The following FERMT3 variants were observed in gnomAD, a reference collection of about 807,000 sequenced individuals.
FERMT3 encodes the protein FERM domain containing kindlin 3.
In FERMT3, 33 loss-of-function variants were observed where a neutral mutation model predicts 80.8. That is an observed-to-expected ratio of 0.41 (90% CI 0.31 to 0.55). The LOEUF (loss-of-function observed/expected upper bound fraction) is 0.55. Among genes scored for constraint, FERMT3 ranks in the 20% least tolerant of loss-of-function variants. FERMT3 has a pLI of 0.31. For missense variants in FERMT3, 754 were observed against 908.7 expected (o/e 0.83, Z 2.19); for synonymous variants, 375 against 372.2 (o/e 1.01, Z -0.09).
chr11:64,214,345 TTATC>T (rs1946507095), intron 6 of FERMT3, among the ~76,000 whole-genome samples: 1 of 151,986 alleles, frequency 6.6e-6, no homozygotes, highest in Admixed American at 6.6e-5. Context: ...CTGTATTTAT[TTATC>T]TATTTTTGTT....
Position 64,211,313 on chromosome 11 carries a change from T to G in FERMT3, c.553T>G (p.Phe185Val). 1.9e-6 allele frequency: 3 copies of G among 1,613,370 alleles called. No homozygotes were observed. Among genetic ancestry groups the G allele is most frequent in the Non-Finnish European group, 2.5e-6 (3 of 1,179,828 alleles). ...ACTGTTCCGGGGGATGCCAGCTCAC[T>G]TCTCGGACAGCGCCCAGACTGAGGC... ...PALFRGMPAH[F>V]SDSAQTEACY... is the part of the protein sequence containing the mutation. Residue 185 changes from phenylalanine to valine, a missense_variant, in exon 5 of 15, where the codon TTC becomes GTC. Phe to Val is a conservative substitution (Grantham distance 50). Transcript: ENST00000345728. This position sits in a 1 kb window ranked among gnomAD's most constrained non-coding sequence, Gnocchi z 4.7.
chr11:64,215,234 C>T (rs541002842), intron 6 of FERMT3, among the ~76,000 whole-genome samples: 25 of 152,344 alleles, frequency 1.6e-4, no homozygotes, highest in Non-Finnish European at 2.5e-4. Context: ...CCTCCTCCCA[C>T]ACCCCGACCA....
chr11:64,223,566 A>C lies in FERMT3; in HGVS notation c.*74A>C. ...CCCAAGCCCACACCCACAGGGGCTC[A>C]CTGCCCCACACCCGCTCCAGGCAGG... On this transcript the variant is annotated 3_prime_UTR_variant, in exon 15 of 15. Transcript: ENST00000345728. The C allele has an allele frequency of 9.4e-6, 14 of 1,494,770 alleles. No individual in the cohort carries two copies. The highest frequency in any genetic ancestry group is 1.2e-5 in the Non-Finnish European group (13 of 1,105,056). The allele number at this position is 1,494,770 out of a possible 1,614,324, so 92.6% of individuals were successfully genotyped here.
Position 64,211,474 on chromosome 11 carries a change from G to C in FERMT3, c.683+31G>C, listed in dbSNP as rs1946436872. Reference sequence around the variant, plus strand: ...CCCAGGAGCCACGCCCCCTGTGTCAGGGCTCCCCCACCCAGGATCCACCCC... The same window carrying C: ...CCCAGGAGCCACGCCCCCTGTGTCACGGCTCCCCCACCCAGGATCCACCCC... On this transcript the variant is annotated intron_variant, in intron 5 of 14. Transcript: ENST00000345728. This position sits in a 1 kb window ranked among gnomAD's most constrained non-coding sequence, Gnocchi z 4.7. The C allele has an allele frequency of 5.8e-6, 9 of 1,557,276 alleles. No individual in the cohort carries two copies. Among genetic ancestry groups the C allele is most frequent in the Non-Finnish European group, 7.8e-6 (9 of 1,156,172 alleles).
chr11:64,209,248 T>TA (rs1426849930), intron 2 of FERMT3, among the ~76,000 whole-genome samples: 1 of 152,090 alleles, frequency 6.6e-6, no homozygotes, highest in Non-Finnish European at 1.5e-5. Flanking sequence ...TCATGGTGCT[T>TA]ACAGTCCCAG....
At chr11:64,222,765 C>T (rs1481892142) in intron 13 of FERMT3, among the ~76,000 whole-genome samples, 1 of 152,124 alleles carries the variant, frequency 6.6e-6, no homozygotes, top group Admixed American at 6.5e-5. Flanking sequence ...AGGGAGACAG[C>T]AGTTGATGAG....
rs1338004226 is a variant in FERMT3 at position 64,211,083 on chromosome 11, C to T, written c.426C>T (p.Leu142=). The part of the protein sequence containing the change: ...SIRHPEELSL[L]RAPEKKEKKK... ...GGCACCCCGAGGAGCTGTCCCTGCT[C>T]CGGGCTCCTGAGAAGAAGGAGAAGA... The change falls in exon 4 of 15, where the codon CTC becomes CTT. Residue 142 remains leucine, a synonymous_variant. Coordinates refer to ENST00000345728, the MANE Select transcript of FERMT3 (RefSeq NM_031471.6). The surrounding 1 kb of genome is among the most constrained non-coding windows in gnomAD (Gnocchi z 4.7). 2 of 1,586,882 alleles carry T rather than the reference C, an allele frequency of 1.3e-6. No homozygotes were observed. The highest frequency in any genetic ancestry group is 1.7e-6 in the Non-Finnish European group (2 of 1,166,402).
intron 6 of FERMT3, among the ~76,000 whole-genome samples, chr11:64,218,108 G>A (rs1482838196): frequency 1.4e-5 from 2 of 145,370 alleles, no homozygotes; most frequent in Non-Finnish European, 3.0e-5. Flanking sequence ...GGTTCACGCC[G>A]TTCTCCTGCC....
At chr11:64,218,594 C>T (rs1201223481) in intron 6 of FERMT3, among the ~76,000 whole-genome samples, 3 of 152,220 alleles carry the variant, frequency 2.0e-5, no homozygotes, top group Non-Finnish European at 4.4e-5. Context: ...CGCAAGCCAC[C>T]GCCCCGGCCT....
chr11:64,219,179 C>G lies in FERMT3; in HGVS notation c.787-72C>G. The stretch of plus-strand genomic sequence containing the variant: ...GGCAGAGGGCCAAGGCTGGCAGGGG[C>G]TCAGTGCAGGGCGTCCAGGGCAGCT... On this transcript the variant is annotated intron_variant, in intron 6 of 14. Coordinates refer to ENST00000345728, the MANE Select transcript of FERMT3 (RefSeq NM_031471.6). This position sits in a 1 kb window ranked among gnomAD's most constrained non-coding sequence, Gnocchi z 4.0. 1 of 1,424,566 alleles carries G rather than the reference C, an allele frequency of 7.0e-7. No individual in the cohort carries two copies. The highest frequency in any genetic ancestry group is 1.2e-5 in the South Asian group (1 of 81,476). The allele number at this position is 1,424,566 out of a possible 1,614,324, so 88.2% of individuals were successfully genotyped here.
rs1946336092 is a variant in FERMT3 at position 64,207,431 on chromosome 11, G to A, written c.67G>A (p.Gly23Arg). 5 of 1,614,184 alleles carry A rather than the reference G, an allele frequency of 3.1e-6. No homozygotes were observed. The highest frequency in any genetic ancestry group is 4.2e-6 in the Non-Finnish European group (5 of 1,180,024). ...DSSWELRVFV[G>R]EEDPEAESVT... is the part of the protein sequence containing the mutation. ...GTCATGGGAGCTGCGGGTGTTTGTG[G>A]GAGAGGAGGACCCAGAGGCCGAGTC... Residue 23 changes from glycine (G) to arginine (R), a missense_variant, in exon 2 of 15, where the codon GGA becomes AGA. Transcript: ENST00000345728.
chr11:64,210,476 G>T lies in FERMT3; in HGVS notation c.161-135G>T. The stretch of plus-strand genomic sequence containing the variant: ...TTACCATGGGGTAGACCCCAGGCCC[G>T]CCCAGGCTGCCCCACTCTTGGCTTA... On this transcript the variant is annotated intron_variant, in intron 2 of 14. Transcript: ENST00000345728. The surrounding 1 kb of genome is among the most constrained non-coding windows in gnomAD (Gnocchi z 4.3). The T allele has an allele frequency of 4.5e-6, 4 of 882,894 alleles. No homozygotes were observed. Among genetic ancestry groups the T allele is most frequent in the Non-Finnish European group, 7.3e-6 (4 of 549,022 alleles). 54.7% of individuals were successfully genotyped at this position (882,894 alleles called of 1,614,324 possible).
In FERMT3 at chr11:64,220,237, G is replaced by A. The variant is rs140907017; in HGVS notation, c.1222G>A (p.Asp408Asn). The A allele has an allele frequency of 6.8e-6, 11 of 1,613,792 alleles. No individual in the cohort carries two copies. The highest frequency in any genetic ancestry group is 1.3e-5 in the African/African-American group (1 of 74,932). ...CCCTCCAGGCTGTGAGGTGGTTCCCGATGTTAACGTCTCCGGCCAGAAGTT... is the reference window on the plus strand; with the variant it reads ...CCCTCCAGGCTGTGAGGTGGTTCCCAATGTTAACGTCTCCGGCCAGAAGTT... ...LNLKGCEVVP[D>N]VNVSGQKFCI... The change falls in exon 11 of 15, where the codon GAT becomes AAT. Residue 408 changes from aspartate to asparagine, a missense_variant. Coordinates refer to ENST00000345728, the MANE Select transcript of FERMT3 (RefSeq NM_031471.6).
At position 64,219,192 on chromosome 11, in the gene FERMT3, G is replaced by A. The variant is rs767445101; in HGVS notation, c.787-59G>A. The A allele has an allele frequency of 4.7e-5, 71 of 1,497,588 alleles. No individual in the cohort carries two copies. Among genetic ancestry groups the A allele is most frequent in the African/African-American group, 2.1e-4 (15 of 71,904 alleles). The allele number at this position is 1,497,588 out of a possible 1,614,324, so 92.8% of individuals were successfully genotyped here. A position where few individuals can be genotyped will look rare whatever the true frequency, so the allele number is the denominator to read the frequency against. ...GGCTGGCAGGGGCTCAGTGCAGGGC[G>A]TCCAGGGCAGCTGGCATCTGACCAG... On this transcript the variant is annotated intron_variant, in intron 6 of 14. Coordinates refer to ENST00000345728, the MANE Select transcript of FERMT3 (RefSeq NM_031471.6). This position sits in a 1 kb window ranked among gnomAD's most constrained non-coding sequence, Gnocchi z 4.0.
intron 6 of FERMT3, among the ~76,000 whole-genome samples, chr11:64,217,137 C>T (rs1019869025): frequency 5.3e-5 from 8 of 152,206 alleles, no homozygotes; most frequent in African/African-American, 1.9e-4. Flanking sequence ...GTGGCTCAGC[C>T]TCTCAGTGGC....
chr11:64,215,602 C>G (rs1946532920), intron 6 of FERMT3, among the ~76,000 whole-genome samples: 1 of 152,046 alleles, frequency 6.6e-6, no homozygotes, highest in African/African-American at 2.4e-5. Flanking sequence ...GAGATGGGGT[C>G]TCGCTCTGTC....
intron 13 of FERMT3, among the ~76,000 whole-genome samples, chr11:64,222,532 TC>T: frequency 7.7e-6 from 1 of 130,464 alleles, no homozygotes; most frequent in South Asian, 2.4e-4. Context: ...GCCACTGTAC[TC>T]CAGCCTGGCA....
chr11:64,207,625 A>T lies in FERMT3; in HGVS notation c.160+101A>T, dbSNP rs1946342107. ...CATCCCTGCTGCTCAGCTCCCGATA[A>T]TGGTGTCACGGTGACTCAGGCATTA... On this transcript the variant is annotated intron_variant, in intron 2 of 14. Coordinates refer to ENST00000345728, the MANE Select transcript of FERMT3 (RefSeq NM_031471.6). The T allele has an allele frequency of 2.8e-6, 4 of 1,410,136 alleles. No individual in the cohort carries two copies. In the Admixed American group the frequency reaches 9.0e-5, roughly 32 times the overall value. 87.4% of individuals were successfully genotyped at this position (1,410,136 alleles called of 1,614,324 possible).
In FERMT3 at chr11:64,223,524, A is replaced by C. The variant is rs758419041; in HGVS notation, c.*32A>C. The C allele has an allele frequency of 2.5e-6, 4 of 1,581,560 alleles. No homozygotes were observed. The highest frequency in any genetic ancestry group is 1.7e-6 in the Non-Finnish European group (2 of 1,169,324). On this transcript the variant is annotated 3_prime_UTR_variant, in exon 15 of 15. Transcript: ENST00000345728. ...TCTGATTGCCCCTGCCCTGCTCACCACCCTGTCACAGCCACTCCCAAGCCC... is the reference window on the plus strand; with the variant it reads ...TCTGATTGCCCCTGCCCTGCTCACCCCCCTGTCACAGCCACTCCCAAGCCC...
Sources: gnomAD v4.1 joint callset for allele counts (sites outside exome capture counted in the v4.1 genomes callset) on GRCh38, gnomAD v4.1.1 for gene constraint, Gnocchi (gnomAD v3.1) non-coding constraint, MANE v1.5 for transcripts, NCBI Gene and HGNC (gene_info 2026-07-23, HGNC 2026-07-21) for gene names.